Variants in DRC11 observed in about 807,000 individuals in gnomAD.
The protein encoded by DRC11 is dynein regulatory complex subunit 11, also known as IQ and AAA domain-containing protein 1.
the DRC11 span, among the ~76,000 whole-genome samples, chr2:236,358,024 A>T: frequency 2.5e-5 from 2 of 79,296 alleles, no homozygotes; most frequent in Admixed American, 1.3e-4. Context: ...TATAGATATA[A>T]TATGAATATA....
chr2:236,388,272 C>A, the DRC11 span, among the ~76,000 whole-genome samples: 2 of 150,422 alleles, frequency 1.3e-5, no homozygotes, highest in African/African-American at 4.9e-5. Context: ...AACTTGGTTC[C>A]ATTCTCCCCA....
chr2:236,315,922 T>C, the DRC11 span, among the ~76,000 whole-genome samples: 2 of 152,236 alleles, frequency 1.3e-5, no homozygotes, highest in South Asian at 2.1e-4. The surrounding 1 kb of genome is among the most constrained non-coding windows in gnomAD (Gnocchi z 5.1). Flanking sequence ...AATGGGTTGA[T>C]AGATGCAGCA....
the DRC11 span, among the ~76,000 whole-genome samples, chr2:236,416,546 G>A: frequency 2.6e-4 from 39 of 151,368 alleles, no homozygotes; most frequent in African/African-American, 8.0e-4. Context: ...TCAGTGGAAC[G>A]TGGTTAAAGA....
the DRC11 span, among the ~76,000 whole-genome samples, chr2:236,327,330 C>T: frequency 2.0e-5 from 3 of 152,108 alleles, no homozygotes; most frequent in Non-Finnish European, 4.4e-5. Context: ...GATCTTGGCT[C>T]ACTGCGACCT....
At chr2:236,494,239 G>A in the DRC11 span, among the ~76,000 whole-genome samples, 10,601 of 152,202 alleles carry the variant, frequency 0.07, 768 homozygotes, top group African/African-American at 0.17. This position sits in a 1 kb window ranked among gnomAD's most constrained non-coding sequence, Gnocchi z 4.2. Flanking sequence ...CAGTAGTAAA[G>A]TATTAAGCTG....
At chr2:236,408,579 G>T in the DRC11 span, 1 of 727,626 alleles carries the variant, frequency 1.4e-6, no homozygotes, top group Non-Finnish European at 2.6e-6. This position sits in a 1 kb window ranked among gnomAD's most constrained non-coding sequence, Gnocchi z 5.5. Flanking sequence ...ATATGTGGGT[G>T]TGGCAGTGAC....
At chr2:236,493,845 TCTC>T in the DRC11 span, 1 of 1,606,682 alleles carries the variant, frequency 6.2e-7, no homozygotes, top group African/African-American at 1.3e-5. Context: ...ACTTCCAACT[TCTC>T]CTTCAAAAAA....
chr2:236,358,170 AATAT>A, the DRC11 span, among the ~76,000 whole-genome samples: 4 of 121,378 alleles, frequency 3.3e-5, no homozygotes, highest in East Asian at 4.6e-4. Flanking sequence ...ATGAATATAT[AATAT>A]ATATACTCTA....
chr2:236,484,841 T>C, the DRC11 span, among the ~76,000 whole-genome samples: 1 of 152,346 alleles, frequency 6.6e-6, no homozygotes, highest in African/African-American at 2.4e-5. Context: ...CACTGTGCTG[T>C]AGGCGGAAAC....
chr2:236,357,476 A>T, the DRC11 span, among the ~76,000 whole-genome samples: 5 of 127,236 alleles, frequency 3.9e-5, no homozygotes, highest in African/African-American at 1.6e-4. Context: ...TATTACATGT[A>T]TATTTATATA....
the DRC11 span, among the ~76,000 whole-genome samples, chr2:236,433,833 C>G: frequency 6.6e-6 from 1 of 152,188 alleles, no homozygotes; most frequent in Admixed American, 6.5e-5. Flanking sequence ...TTTTTCCTGA[C>G]ACTCACTAGT....
At chr2:236,310,062 C>A in the DRC11 span, among the ~76,000 whole-genome samples, 3 of 152,186 alleles carry the variant, frequency 2.0e-5, no homozygotes, top group Non-Finnish European at 4.4e-5. This position sits in a 1 kb window ranked among gnomAD's most constrained non-coding sequence, Gnocchi z 5.5. Context: ...GGTCCACCTT[C>A]CTCACAAAGA....
the DRC11 span, among the ~76,000 whole-genome samples, chr2:236,504,261 C>T: frequency 6.6e-6 from 1 of 152,154 alleles, no homozygotes; most frequent in Admixed American, 6.5e-5. The surrounding 1 kb of genome is among the most constrained non-coding windows in gnomAD (Gnocchi z 5.0). Context: ...AATTCATCCA[C>T]ACTGTCGCAT....
the DRC11 span, among the ~76,000 whole-genome samples, chr2:236,474,902 T>C: frequency 6.6e-6 from 1 of 152,198 alleles, no homozygotes. Context: ...GATATATTTA[T>C]GTAATGTGTA....
the DRC11 span, among the ~76,000 whole-genome samples, chr2:236,500,065 G>A: frequency 4.6e-5 from 7 of 150,540 alleles, no homozygotes; most frequent in African/African-American, 1.7e-4. The surrounding 1 kb of genome is among the most constrained non-coding windows in gnomAD (Gnocchi z 6.3). Flanking sequence ...CTTGATGTTT[G>A]CAAGACTTTT....
chr2:236,355,824 A>G, the DRC11 span, among the ~76,000 whole-genome samples: 11 of 152,206 alleles, frequency 7.2e-5, no homozygotes, highest in East Asian at 1.9e-3. Context: ...TCAGGAAGAG[A>G]AGTCTTCTTC....
At chr2:236,340,089 CA>C in the DRC11 span, among the ~76,000 whole-genome samples, 1 of 152,192 alleles carries the variant, frequency 6.6e-6, no homozygotes, top group South Asian at 2.1e-4. Context: ...TTGTAGTTTT[CA>C]GAAAAGTCTT....
chr2:236,403,243 G>A, the DRC11 span, among the ~76,000 whole-genome samples: 1 of 152,120 alleles, frequency 6.6e-6, no homozygotes, highest in Non-Finnish European at 1.5e-5. Flanking sequence ...CACAGGGATG[G>A]CTGAAGGAGG....
At chr2:236,397,854 C>T in the DRC11 span, among the ~76,000 whole-genome samples, 2 of 152,346 alleles carry the variant, frequency 1.3e-5, no homozygotes, top group African/African-American at 2.4e-5. This position sits in a 1 kb window ranked among gnomAD's most constrained non-coding sequence, Gnocchi z 5.0. Flanking sequence ...CCCATCCCAC[C>T]ACTGTAATCC....
Sources: gnomAD v4.1 joint callset for allele counts (sites outside exome capture counted in the v4.1 genomes callset) on GRCh38, gnomAD v4.1.1 for gene constraint, Gnocchi (gnomAD v3.1) non-coding constraint, MANE v1.5 for transcripts, NCBI Gene and HGNC (gene_info 2026-07-23, HGNC 2026-07-21) for gene names.